The following TBC1D12 variants were observed in gnomAD, a reference collection of about 807,000 sequenced individuals.
The protein encoded by TBC1D12 is TBC1 domain family, member 12.
A neutral mutation model predicts 86.7 loss-of-function variants in TBC1D12; 56 were observed. The observed-to-expected ratio is 0.65, with a 90% CI of 0.52 to 0.81. The LOEUF is 0.81. Among genes scored for constraint, TBC1D12 ranks in the 30% least tolerant of loss-of-function variants. The probability of loss-of-function intolerance (pLI) is 0.00; values close to 1 mark genes in which losing one functional copy is unlikely to be tolerated. For missense variants in TBC1D12, 1,023 were observed against 1,038.8 expected, an observed-to-expected ratio of 0.98 and a Z score of 0.21; for synonymous variants, 421 against 411.7, an observed-to-expected ratio of 1.02 and a Z score of -0.27.
At chr10:94,507,443 T>A in intron 7 of TBC1D12, 96 bp downstream of exon 7, 15 of 1,088,838 alleles carry the variant, frequency 1.4e-5, no homozygotes, top group Non-Finnish European at 1.4e-5. Flanking sequence ...TATATCATCT[T>A]ATTTAATCTT....
chr10:94,476,800 A>G (rs945390972), intron 3 of TBC1D12, among the ~76,000 whole-genome samples: 2 of 152,172 alleles, frequency 1.3e-5, no homozygotes, highest in South Asian at 4.1e-4. Context: ...CTGCCTCTTT[A>G]GGTTCTACCT....
chr10:94,457,807 C>G (rs1589629473), intron 2 of TBC1D12, among the ~76,000 whole-genome samples: 1 of 152,004 alleles, frequency 6.6e-6, no homozygotes, highest in East Asian at 1.9e-4. Context: ...TTTTTTAAAA[C>G]TTTTTTTAGT....
At chr10:94,467,528 G>A (rs1204401081) in intron 2 of TBC1D12, among the ~76,000 whole-genome samples, 6 of 152,090 alleles carry the variant, frequency 3.9e-5, no homozygotes, top group South Asian at 2.1e-4. Flanking sequence ...CACTGTGCCC[G>A]GCCCTGTACT....
chr10:94,474,744 C>G lies in TBC1D12; in HGVS notation c.1172C>G (p.Pro391Arg). 6.2e-7 allele frequency: 1 copy of G among 1,614,030 alleles called. No individual in the cohort carries two copies. The highest frequency in any genetic ancestry group is 8.5e-7 in the Non-Finnish European group (1 of 1,179,998). Residue 391 changes from proline (P) to arginine (R), a missense_variant, in exon 3 of 13, where the codon CCG becomes CGG. Pro to Arg is a moderately radical substitution (Grantham distance 103, BLOSUM62 -2). Around this residue, in one of 2 missense-constraint regions of TBC1D12, gnomAD observed 395 missense variants for 507.7 expected, o/e 0.78. Coordinates refer to ENST00000225235, the MANE Select transcript of TBC1D12 (RefSeq NM_015188.2). ...AGACGCAAGAATTTTGAATTTGAGC[C>G]GCTTTCTACCACTGCCTTGATTCTT... ...SSRRKNFEFE[P>R]LSTTALILED...
At chr10:94,503,663 C>T (rs533578270) in intron 6 of TBC1D12, among the ~76,000 whole-genome samples, 11 of 152,160 alleles carry the variant, frequency 7.2e-5, no homozygotes, top group South Asian at 4.2e-4. Context: ...CTTGCTCTGT[C>T]GCTGAGGCTG....
At chr10:94,458,993 G>A (rs2055676127) in intron 2 of TBC1D12, among the ~76,000 whole-genome samples, 1 of 152,164 alleles carries the variant, frequency 6.6e-6, no homozygotes, top group South Asian at 2.1e-4. Context: ...CAAGCGGGTT[G>A]GCGTTGTTGG....
At chr10:94,465,385 C>T (rs1055509943) in intron 2 of TBC1D12, among the ~76,000 whole-genome samples, 24 of 152,114 alleles carry the variant, frequency 1.6e-4, no homozygotes, top group East Asian at 7.7e-4. Context: ...CAGTGGCCCA[C>T]GCCTGTAATC....
intron 2 of TBC1D12, among the ~76,000 whole-genome samples, chr10:94,469,845 T>C: frequency 6.6e-6 from 1 of 152,160 alleles, no homozygotes; most frequent in East Asian, 1.9e-4. Flanking sequence ...AAGCTTCCTT[T>C]GGGGTCCCCC....
At chr10:94,457,884 CTGAAAG>C (rs997068727) in intron 2 of TBC1D12, among the ~76,000 whole-genome samples, 1 of 152,014 alleles carries the variant, frequency 6.6e-6, no homozygotes, top group Non-Finnish European at 1.5e-5. Flanking sequence ...AACACTATAC[CTGAAAG>C]TGGAGTTTCA....
At chr10:94,492,448 C>A (rs548433285) in intron 3 of TBC1D12, among the ~76,000 whole-genome samples, 28 of 152,212 alleles carry the variant, frequency 1.8e-4, no homozygotes, top group African/African-American at 6.3e-4. Flanking sequence ...GAAATGAAAG[C>A]AAATGTCTAC....
intron 4 of TBC1D12, among the ~76,000 whole-genome samples, chr10:94,495,841 C>T (rs1458221995): frequency 3.3e-5 from 5 of 152,136 alleles, no homozygotes; most frequent in Non-Finnish European, 5.9e-5. Context: ...CGGTAGCTCA[C>T]GCCTATAACC....
chr10:94,406,207 T>C (rs1327679273), intron 1 of TBC1D12, among the ~76,000 whole-genome samples: 1 of 152,224 alleles, frequency 6.6e-6, no homozygotes, highest in African/African-American at 2.4e-5. Flanking sequence ...GCAGGAATTT[T>C]GATTTAATTT....
rs1196243096 is a variant in TBC1D12, at chr10:94,463,251, C to T, written c.1096-11417C>T. On this transcript the variant is annotated intron_variant, in intron 2 of 12. Transcript: ENST00000225235. ...TCAGTCCATTTTCCGTTGCTTATAA[C>T]AGAATATTGGAAACTGAGTGATTTA... is the stretch of plus-strand genomic sequence containing the variant. Among the ~76,000 whole-genome samples the T allele has an allele frequency of 2.6e-5, 4 of 152,148 alleles. No homozygotes were observed. In the East Asian group the frequency reaches 7.7e-4, roughly 29 times the overall value.
rs2055388732 is a variant in TBC1D12, at chr10:94,441,969, A to G, written c.1045A>G (p.Lys349Glu). The change falls in exon 2 of 13, where the codon AAA becomes GAA. Residue 349 changes from lysine to glutamate, a missense_variant. Lys to Glu is a moderately conservative substitution (Grantham distance 56, BLOSUM62 1). This residue lies in a region of TBC1D12 where 628 missense variants were observed against 531.1 expected (regional missense o/e 1.18). Transcript: ENST00000225235. The stretch of plus-strand genomic sequence containing the variant: ...TGCTCCTGGTTGGAAATTATTTGGT[A>G]AAGTCCCTCCTAGAGAGAATCTTCA... ...HSAPGWKLFG[K>E]VPPRENLQKT... 1 of 1,613,310 alleles carries G rather than the reference A, an allele frequency of 6.2e-7. No homozygotes were observed. Among genetic ancestry groups the G allele is most frequent in the Non-Finnish European group, 8.5e-7 (1 of 1,179,684 alleles).
chr10:94,503,700 C>G (rs1013393308), intron 6 of TBC1D12, among the ~76,000 whole-genome samples: 3 of 152,154 alleles, frequency 2.0e-5, no homozygotes, highest in Non-Finnish European at 4.4e-5. Context: ...TCTCAGCTCA[C>G]TGCAGCCCCT....
chr10:94,491,787 A>AGTTTCCTATCC (rs1485012254), intron 3 of TBC1D12, among the ~76,000 whole-genome samples: 2 of 146,610 alleles, frequency 1.4e-5, no homozygotes, highest in Non-Finnish European at 3.1e-5. Context: ...GCCTGTGTTC[A>AGTTTCCTATCC]AAGAACCCTT....
intron 1 of TBC1D12, among the ~76,000 whole-genome samples, chr10:94,415,292 C>T (rs1229741830): frequency 6.6e-6 from 1 of 152,144 alleles, no homozygotes; most frequent in Non-Finnish European, 1.5e-5. Flanking sequence ...CTTACATAAG[C>T]CTTAACTCCC....
intron 2 of TBC1D12, among the ~76,000 whole-genome samples, chr10:94,442,248 A>G (rs117632951): frequency 6.6e-6 from 1 of 152,038 alleles, no homozygotes; most frequent in African/African-American, 2.4e-5. Flanking sequence ...TTCAAATAGA[A>G]CGTAGACTTT....
chr10:94,471,030 C>G (rs2055897377), intron 2 of TBC1D12, among the ~76,000 whole-genome samples: 1 of 152,114 alleles, frequency 6.6e-6, no homozygotes, highest in Admixed American at 6.5e-5. Flanking sequence ...AGTCCCAGCA[C>G]TTTGGGAGGC....
Sources: gnomAD v4.1 joint callset for allele counts (sites outside exome capture counted in the v4.1 genomes callset) on GRCh38, gnomAD v4.1.1 for gene constraint, gnomAD v4.1.1 regional missense constraint, MANE v1.5 for transcripts, NCBI Gene and HGNC (gene_info 2026-07-23, HGNC 2026-07-21) for gene names.